TNNI3K: variants seen among roughly 807,000 people sequenced by gnomAD.
The protein encoded by TNNI3K is serine/threonine-protein kinase TNNI3K.
Under a neutral mutation model 114.5 loss-of-function variants are expected in TNNI3K, and 140 were observed. The ratio of observed to expected loss-of-function variants is 1.22; its 90% confidence interval spans 1.07 to 1.41. The LOEUF (loss-of-function observed/expected upper bound fraction) is 1.41, where lower values mean the gene tolerates loss of function less well. TNNI3K is among the 40% of genes most tolerant of loss of function. The pLI is 0.00. For synonymous variants in TNNI3K, 347 were observed against 347.5 expected (o/e 1.00, Z 0.02); for missense variants, 1,125 against 1,007.6 (o/e 1.12, Z -1.58).
chr1:74,338,616 A>C (rs1660598616), intron 7 of TNNI3K, among the ~76,000 whole-genome samples: 1 of 152,068 alleles, frequency 6.6e-6, no homozygotes, highest in African/African-American at 2.4e-5. Flanking sequence ...TGGAACTGCC[A>C]GTTCCTTGGT....
At chr1:74,524,899 G>A (rs1214496926) in intron 23 of TNNI3K, among the ~76,000 whole-genome samples, 1 of 152,182 alleles carries the variant, frequency 6.6e-6, no homozygotes, top group Non-Finnish European at 1.5e-5. Flanking sequence ...CATTAGGATT[G>A]TTTCTAAAAG....
chr1:74,494,193 A>G (rs1345398517), intron 23 of TNNI3K, among the ~76,000 whole-genome samples: 1 of 152,196 alleles, frequency 6.6e-6, no homozygotes, highest in Non-Finnish European at 1.5e-5. Flanking sequence ...ACACCTGCAT[A>G]TACATACACA....
At chr1:74,410,179 A>C (rs1021591682) in intron 17 of TNNI3K, among the ~76,000 whole-genome samples, 9 of 152,212 alleles carry the variant, frequency 5.9e-5, no homozygotes, top group Non-Finnish European at 1.0e-4. Flanking sequence ...CAGGCTGTTA[A>C]CCACATCAAT....
intron 6 of TNNI3K, among the ~76,000 whole-genome samples, chr1:74,333,675 G>A (rs1660327820): frequency 6.6e-6 from 1 of 152,190 alleles, no homozygotes; most frequent in African/African-American, 2.4e-5. Context: ...ATGCTGACAA[G>A]GAGAATGGTA....
In TNNI3K at chr1:74,439,447, C is replaced by T. The variant is rs762135973; in HGVS notation, c.1879-43C>T. Reference sequence around the variant, plus strand: ...GAATGCTACTCTGCAGTGGAAGAACCAAACACTTGGTAAATGGCTTGTGGA... The same window carrying T: ...GAATGCTACTCTGCAGTGGAAGAACTAAACACTTGGTAAATGGCTTGTGGA... On this transcript the variant is annotated intron_variant, in intron 19 of 24. Transcript: ENST00000326637. 6 of 1,597,498 alleles carry T rather than the reference C, an allele frequency of 3.8e-6. No individual in the cohort carries two copies. The African/African-American group carries it at 8.1e-5, about 21-fold the overall frequency.
chr1:74,437,927 C>T (rs1320320870), intron 19 of TNNI3K, among the ~76,000 whole-genome samples: 1 of 151,686 alleles, frequency 6.6e-6, no homozygotes, highest in Non-Finnish European at 1.5e-5. Flanking sequence ...AGTTGAGACT[C>T]TCCAACTAAA....
At chr1:74,264,653 T>C (rs763842432) in intron 4 of TNNI3K, among the ~76,000 whole-genome samples, 1 of 152,066 alleles carries the variant, frequency 6.6e-6, no homozygotes, top group Non-Finnish European at 1.5e-5. Flanking sequence ...TTCTTGGAGT[T>C]TGGTATGACA....
chr1:74,405,233 T>A (rs549772412), intron 17 of TNNI3K, among the ~76,000 whole-genome samples: 1 of 152,188 alleles, frequency 6.6e-6, no homozygotes, highest in African/African-American at 2.4e-5. Context: ...CGGGGGAGCA[T>A]ATACAAAAAG....
chr1:74,300,657 C>G (rs1174175829), intron 5 of TNNI3K, among the ~76,000 whole-genome samples: 2 of 152,188 alleles, frequency 1.3e-5, no homozygotes, highest in Non-Finnish European at 2.9e-5. Flanking sequence ...CAGAATTATT[C>G]ACAATTCCTG....
chr1:74,493,709 C>T (rs1451127733), intron 23 of TNNI3K, among the ~76,000 whole-genome samples: 1 of 152,160 alleles, frequency 6.6e-6, no homozygotes, highest in African/African-American at 2.4e-5. Context: ...GTCTATCAAC[C>T]TCCTTGGACA....
At chr1:74,414,865 C>T (rs1352780340) in intron 17 of TNNI3K, among the ~76,000 whole-genome samples, 1 of 152,170 alleles carries the variant, frequency 6.6e-6, no homozygotes, top group Non-Finnish European at 1.5e-5. Flanking sequence ...TGTTTCTATT[C>T]TGGCTCCTCC....
chr1:74,258,315 G>C (rs1655456123), intron 4 of TNNI3K, among the ~76,000 whole-genome samples: 1 of 152,074 alleles, frequency 6.6e-6, no homozygotes, highest in Non-Finnish European at 1.5e-5. Context: ...CACAAATACA[G>C]CCCCTTCATA....
chr1:74,436,309 G>A (rs1165868164), intron 18 of TNNI3K, among the ~76,000 whole-genome samples, 165 bp from the exon 19 acceptor site: 3 of 151,858 alleles, frequency 2.0e-5, no homozygotes, highest in African/African-American at 7.3e-5. Context: ...TTGAAACTCT[G>A]TCATTTATTT....
chr1:74,395,899 G>A (rs1433164126), intron 17 of TNNI3K, among the ~76,000 whole-genome samples: 2 of 152,182 alleles, frequency 1.3e-5, no homozygotes, highest in Non-Finnish European at 2.9e-5. Flanking sequence ...CTGGCCCAAA[G>A]AGCCCATTCA....
intron 17 of TNNI3K, among the ~76,000 whole-genome samples, chr1:74,392,500 G>T (rs976464838): frequency 2.6e-5 from 4 of 152,164 alleles, no homozygotes; most frequent in Non-Finnish European, 4.4e-5. Flanking sequence ...CCTTAGTCCA[G>T]TCTACTTCTC....
intron 24 of TNNI3K, among the ~76,000 whole-genome samples, chr1:74,542,137 T>A (rs978611386): frequency 6.6e-6 from 1 of 152,206 alleles, no homozygotes; most frequent in Non-Finnish European, 1.5e-5. Context: ...CTGGCAATAA[T>A]GACATCAATA....
intron 5 of TNNI3K, among the ~76,000 whole-genome samples, chr1:74,323,294 A>G (rs887860523): frequency 1.3e-5 from 2 of 152,210 alleles, no homozygotes; most frequent in Non-Finnish European, 1.5e-5. Context: ...TTGTGCTCTC[A>G]TAAACCTGAG....
chr1:74,372,997 T>G (rs944619392), intron 17 of TNNI3K: 1 of 151,862 alleles, frequency 6.6e-6, no homozygotes, highest in Non-Finnish European at 1.5e-5. Flanking sequence ...AGTCCCAAAC[T>G]ATTGTATCAA....
At chr1:74,439,743 G>A in intron 20 of TNNI3K, 121 bp downstream of exon 20, 1 of 1,445,664 alleles carries the variant, frequency 6.9e-7, no homozygotes, top group Non-Finnish European at 9.3e-7. Context: ...GAGGAGGTAA[G>A]CAAACAATCT....
Sources: gnomAD v4.1 joint callset for allele counts (sites outside exome capture counted in the v4.1 genomes callset) on GRCh38, gnomAD v4.1.1 for gene constraint, MANE v1.5 for transcripts, NCBI Gene and HGNC (gene_info 2026-07-23, HGNC 2026-07-21) for gene names.